The following ATP2B1 variants were observed in gnomAD, a reference collection of about 807,000 sequenced individuals.
ATP2B1 encodes plasma membrane calcium-transporting ATPase 1.
In ATP2B1, 14 loss-of-function variants were observed where a neutral mutation model predicts 124.2. The observed-to-expected ratio is 0.11, with a 90% CI of 0.07 to 0.18. The LOEUF (loss-of-function observed/expected upper bound fraction) is 0.18, where lower values mean the gene tolerates loss of function less well. Among genes scored for constraint, ATP2B1 ranks in the 10% least tolerant of loss-of-function variants. The pLI is 1.00. For missense variants in ATP2B1, 763 were observed against 1,466.1 expected (o/e 0.52, Z 7.83); for synonymous variants, 449 against 492.4 (o/e 0.91, Z 1.17).
At chr12:89,670,261 T>C (rs1041810438) in intron 1 of ATP2B1, among the ~76,000 whole-genome samples, 1 of 152,152 alleles carries the variant, frequency 6.6e-6, no homozygotes, top group Non-Finnish European at 1.5e-5. Flanking sequence ...ATCCAACAGA[T>C]TCTTTTCTAA....
intron 2 of ATP2B1, among the ~76,000 whole-genome samples, chr12:89,643,089 CACAT>C (rs1349059727): frequency 8.8e-5 from 13 of 148,536 alleles, no homozygotes; most frequent in African/African-American, 2.5e-4. Context: ...CACACACACA[CACAT>C]ATATACATAC....
intron 1 of ATP2B1, among the ~76,000 whole-genome samples, chr12:89,665,296 C>T (rs372783232): frequency 3.3e-5 from 5 of 152,020 alleles, no homozygotes; most frequent in Admixed American, 2.6e-4. Flanking sequence ...CAAATAATTT[C>T]TTTTATTCAA....
intron 1 of ATP2B1, among the ~76,000 whole-genome samples, chr12:89,662,906 GA>G (rs1410876082): frequency 2.6e-5 from 4 of 151,976 alleles, no homozygotes; most frequent in African/African-American, 7.2e-5. Context: ...CTCAGGGTGG[GA>G]AACAACTAGA....
intron 1 of ATP2B1, among the ~76,000 whole-genome samples, chr12:89,659,003 T>C (rs1335298166): frequency 6.6e-6 from 1 of 152,184 alleles, no homozygotes; most frequent in African/African-American, 2.4e-5. Context: ...TACTATTTTC[T>C]TCTTTACCCA....
At chr12:89,693,571 C>A (rs1226187307) in intron 1 of ATP2B1, among the ~76,000 whole-genome samples, 1 of 150,634 alleles carries the variant, frequency 6.6e-6, no homozygotes, top group African/African-American at 2.4e-5. Flanking sequence ...TTGTCCATGC[C>A]TATTAAGTTT....
chr12:89,636,559 C>A (rs1218710634), intron 3 of ATP2B1, among the ~76,000 whole-genome samples: 4 of 151,986 alleles, frequency 2.6e-5, no homozygotes, highest in Admixed American at 2.0e-4. Flanking sequence ...GAGGATTATT[C>A]AGAAGAAAAG....
At chr12:89,635,488 A>G (rs1882553178) in intron 3 of ATP2B1, among the ~76,000 whole-genome samples, 1 of 152,190 alleles carries the variant, frequency 6.6e-6, no homozygotes, top group Admixed American at 6.5e-5. Context: ...ACTAGTTAAG[A>G]GTAAGGACAC....
chr12:89,621,411 A>T, intron 10 of ATP2B1, 138 bp downstream of exon 10: 1 of 621,440 alleles, frequency 1.6e-6, no homozygotes, highest in Non-Finnish European at 2.4e-6. Flanking sequence ...TTTAAAAACC[A>T]TTATATAAAT....
chr12:89,603,018 G>T lies in ATP2B1; in HGVS notation c.3060+25C>A, dbSNP rs775973642. On this transcript the variant is annotated intron_variant, in intron 18 of 20. Transcript: ENST00000428670. The surrounding 1 kb of genome is among the most constrained non-coding windows in gnomAD (Gnocchi z 4.3). ...TGTCTCCCATTTAACAGGCAAATTTGAAACTATCTTTTCCAATTACCCACC... is the reference window on the plus strand; with the variant it reads ...TGTCTCCCATTTAACAGGCAAATTTTAAACTATCTTTTCCAATTACCCACC... 1 of 1,603,288 alleles carries T rather than the reference G, an allele frequency of 6.2e-7. No individual in the cohort carries two copies. The highest frequency in any genetic ancestry group is 1.1e-5 in the South Asian group (1 of 90,198).
chr12:89,652,419 G>C (rs1035349664), intron 2 of ATP2B1, among the ~76,000 whole-genome samples: 6 of 152,162 alleles, frequency 3.9e-5, no homozygotes, highest in South Asian at 2.1e-4. Flanking sequence ...GTCAATGAAT[G>C]AATCAATAAA....
At chr12:89,689,739 G>C (rs908907797) in intron 1 of ATP2B1, among the ~76,000 whole-genome samples, 1 of 152,032 alleles carries the variant, frequency 6.6e-6, no homozygotes, top group African/African-American at 2.4e-5. Flanking sequence ...AAACTAGTAA[G>C]GGAGATACCT....
At chr12:89,639,375 A>G (rs1369679113) in intron 3 of ATP2B1, among the ~76,000 whole-genome samples, 2 of 151,962 alleles carry the variant, frequency 1.3e-5, no homozygotes, top group African/African-American at 4.8e-5. Flanking sequence ...ATGGTGGCAC[A>G]TGCCTATAGT....
At chr12:89,623,069 C>T (rs1206069903) in intron 9 of ATP2B1, among the ~76,000 whole-genome samples, 2 of 13,780 alleles carry the variant, frequency 1.5e-4, no homozygotes, top group Non-Finnish European at 4.1e-4. Flanking sequence ...CACTTTGATA[C>T]ATTTACTTTA....
At chr12:89,661,351 A>G (rs1472512314) in intron 1 of ATP2B1, among the ~76,000 whole-genome samples, 4 of 152,206 alleles carry the variant, frequency 2.6e-5, no homozygotes, top group Non-Finnish European at 5.9e-5. Flanking sequence ...CTGTTAAATC[A>G]TGGTTACAAA....
At chr12:89,598,343 CAG>C (rs1249972839) in intron 20 of ATP2B1, among the ~76,000 whole-genome samples, 1 of 152,144 alleles carries the variant, frequency 6.6e-6, no homozygotes, top group Non-Finnish European at 1.5e-5. Flanking sequence ...TATTAACTAT[CAG>C]AGTTAGCACA....
chr12:89,652,847 C>T (rs1392053402), intron 2 of ATP2B1, among the ~76,000 whole-genome samples: 1 of 152,154 alleles, frequency 6.6e-6, no homozygotes, highest in South Asian at 2.1e-4. Flanking sequence ...AAGTGATTCT[C>T]CTGCCTCAGC....
At chr12:89,662,429 A>T (rs1886825029) in intron 1 of ATP2B1, among the ~76,000 whole-genome samples, 1 of 152,188 alleles carries the variant, frequency 6.6e-6, no homozygotes, top group Admixed American at 6.5e-5. Context: ...TTTATTCTAC[A>T]AAGTTTTGGT....
At chr12:89,621,470 G>C in intron 10 of ATP2B1, 79 bp downstream of exon 10, 2 of 1,132,600 alleles carry the variant, frequency 1.8e-6, no homozygotes, top group Non-Finnish European at 2.4e-6. Flanking sequence ...ATACAGTAAT[G>C]GTGGTCTGAA....
Position 89,624,374 on chromosome 12 carries a change from C to T in ATP2B1, c.1153G>A (p.Val385Ile). The T allele has an allele frequency of 6.2e-7, 1 of 1,613,724 alleles. No individual in the cohort carries two copies. The highest frequency in any genetic ancestry group is 8.5e-7 in the Non-Finnish European group (1 of 1,179,842). The change falls in exon 9 of 21, where the codon GTT (valine) becomes ATT (isoleucine). Residue 385 changes from valine to isoleucine, a missense_variant. By Grantham distance (29) the Val-to-Ile change is conservative. Coordinates refer to ENST00000428670, the MANE Select transcript of ATP2B1 (RefSeq NM_001366521.1). Reference sequence around the variant, plus strand: ...ACAAAATATAATACTAGAATGATAACTGTGATGGCAGACATCAACAGACCT... The same window carrying T: ...ACAAAATATAATACTAGAATGATAATTGTGATGGCAGACATCAACAGACCT... ...KAGLLMSAIT[V>I]IILVLYFVID...
Sources: gnomAD v4.1 joint callset for allele counts (sites outside exome capture counted in the v4.1 genomes callset) on GRCh38, gnomAD v4.1.1 for gene constraint, Gnocchi (gnomAD v3.1) non-coding constraint, MANE v1.5 for transcripts, NCBI Gene and HGNC (gene_info 2026-07-23, HGNC 2026-07-21) for gene names.